Variants in NECTIN3 observed in about 807,000 individuals in gnomAD.
NECTIN3 encodes the protein nectin cell adhesion molecule 3, also known as nectin-3.
In NECTIN3, 8 loss-of-function variants were observed where a neutral mutation model predicts 49.4. The observed-to-expected ratio is 0.16, with a 90% CI of 0.10 to 0.29. NECTIN3 has a LOEUF of 0.29. Ranked by LOEUF, NECTIN3 falls within the 10% of genes least tolerant of loss-of-function variation. The pLI is 1.00. For missense variants in NECTIN3, 581 were observed against 654.6 expected (o/e 0.89, Z 1.23); for synonymous variants, 277 against 241.1 (o/e 1.15, Z -1.38).
chr3:111,093,261 A>G (rs182546708), intron 1 of NECTIN3, among the ~76,000 whole-genome samples: 25 of 152,290 alleles, frequency 1.6e-4, no homozygotes, highest in Non-Finnish European at 3.1e-4. Context: ...AAATACTTAA[A>G]GGAATTCCAT....
Position 111,136,712 on chromosome 3 carries a change from T to A in NECTIN3, c.*2497T>A, listed in dbSNP as rs950248349. 1.1e-6 allele frequency: 1 copy of A among 917,618 alleles called. No homozygotes were observed. Among genetic ancestry groups the A allele is most frequent in the Non-Finnish European group, 1.3e-6 (1 of 768,676 alleles). The allele number at this position is 917,618 out of a possible 1,614,324, so 56.8% of individuals were successfully genotyped here. On this transcript the variant is annotated 3_prime_UTR_variant, in exon 6 of 6. Transcript: ENST00000485303. ...ATATTTGTACTATTTTTGGCCATATTTATATTTATTTCTTTCATATGGTTT... is the reference window on the plus strand; with the variant it reads ...ATATTTGTACTATTTTTGGCCATATATATATTTATTTCTTTCATATGGTTT...
intron 5 of NECTIN3, among the ~76,000 whole-genome samples, chr3:111,127,046 T>C (rs2034190353): frequency 6.6e-6 from 1 of 152,194 alleles, no homozygotes; most frequent in Admixed American, 6.5e-5. Flanking sequence ...TTATAAAAAT[T>C]CAATAAAATA....
At chr3:111,174,561 TGTA>T (rs1224433049) in intron 7 of NECTIN3, among the ~76,000 whole-genome samples, 2 of 151,884 alleles carry the variant, frequency 1.3e-5, no homozygotes, top group African/African-American at 4.8e-5. Flanking sequence ...ATTGTGGACT[TGTA>T]GTGATTTAGC....
chr3:111,113,033 A>G (rs2033539382), intron 2 of NECTIN3, among the ~76,000 whole-genome samples: 4 of 152,228 alleles, frequency 2.6e-5, no homozygotes, highest in South Asian at 2.1e-4. Context: ...GGCTGCTCAC[A>G]TGAAGATCTA....
intron 1 of NECTIN3, chr3:111,072,456 A>G (rs2030844982): frequency 6.5e-7 from 1 of 1,534,758 alleles, no homozygotes. Flanking sequence ...CGTGCGCCGA[A>G]CTCCGGGTTT....
intron 1 of NECTIN3, among the ~76,000 whole-genome samples, chr3:111,106,037 C>G (rs2107436641): frequency 6.8e-6 from 1 of 147,556 alleles, no homozygotes; most frequent in African/African-American, 2.5e-5. Flanking sequence ...ATTGACCCCT[C>G]TGTAGGTACT....
chr3:111,184,711 G>A (rs1175040289), intron 7 of NECTIN3, among the ~76,000 whole-genome samples: 2 of 152,094 alleles, frequency 1.3e-5, no homozygotes, highest in African/African-American at 4.8e-5. Context: ...TTAATTGAAT[G>A]CTGGACACTG....
In NECTIN3 at chr3:111,133,871, G is replaced by A. The variant is rs149156497; in HGVS notation, c.1306G>A (p.Gly436Arg). The A allele has an allele frequency of 7.4e-4, 1,193 of 1,613,760 alleles. 1 individual carries two copies. The highest frequency in any genetic ancestry group is 8.8e-4 in the Non-Finnish European group (1,035 of 1,179,886). Residue 436 changes from glycine (G) to arginine (R), a missense_variant, in exon 6 of 6, where the codon GGA becomes AGA. By Grantham distance (125) the Gly-to-Arg change is moderately radical. Transcript: ENST00000485303. ...CTATAGGAGAAGACGGACGTTTCGT[G>A]GAGACTACTTTGCCAAGAACTACAT... is the stretch of plus-strand genomic sequence containing the variant. Reference protein sequence around the residue: ...FCYRRRRTFRGDYFAKNYIPP... With the variant: ...FCYRRRRTFRRDYFAKNYIPP...
At chr3:111,072,689 A>G (rs1235581999) in intron 1 of NECTIN3, 8 of 1,071,030 alleles carry the variant, frequency 7.5e-6, no homozygotes, top group Non-Finnish European at 9.4e-6. Context: ...AATCCCCTAC[A>G]GCTAGTTTTC....
At position 111,143,183 on chromosome 3, in the gene NECTIN3, A is replaced by T. The variant is rs1365930647; in HGVS notation, c.1001-1716A>T. 2.0e-5 allele frequency among the ~76,000 whole-genome samples: 3 copies of T among 151,902 alleles called. No individual in the cohort carries two copies. In the East Asian group the frequency reaches 5.8e-4, roughly 29 times the overall value. ...CTCTCACATTTACAAGTGCAGAATGATATTTGGCTGTACTGGGTTTCAATA... is the reference window on the plus strand; with the variant it reads ...CTCTCACATTTACAAGTGCAGAATGTTATTTGGCTGTACTGGGTTTCAATA... On this transcript the variant is annotated intron_variant, in intron 5 of 8. Coordinates refer to the NECTIN3 transcript ENST00000493615.
chr3:111,193,114 G>GT (rs2035841899), intron 1 of NECTIN3: 1 of 1,214,648 alleles, frequency 8.2e-7, no homozygotes, highest in African/African-American at 1.5e-5. Flanking sequence ...CTAAACTGTA[G>GT]TGAATTCTAT....
At chr3:111,098,161 A>G (rs533929900) in intron 1 of NECTIN3, among the ~76,000 whole-genome samples, 1 of 152,358 alleles carries the variant, frequency 6.6e-6, no homozygotes, top group East Asian at 1.9e-4. Context: ...CATCTAAACT[A>G]ACACTGATTC....
chr3:111,111,899 ATGTGTGTGTGTGTGTGTG>A (rs10581136), intron 1 of NECTIN3, 113 bp from the exon 2 acceptor site: 12 of 581,264 alleles, frequency 2.1e-5, no homozygotes, highest in Admixed American at 1.2e-4. Context: ...GTGTGTGTGC[ATGTGTGTGTGTGTGTGTG>A]TGTGTGTGTG....
chr3:111,147,537 C>T (rs1208074395), intron 7 of NECTIN3: 19 of 1,359,554 alleles, frequency 1.4e-5, no homozygotes, highest in Middle Eastern at 3.6e-4. Context: ...TTAAAAAATA[C>T]TAAGCCATTT....
intron 2 of NECTIN3, among the ~76,000 whole-genome samples, chr3:111,115,135 C>T (rs944859339): frequency 7.2e-5 from 11 of 152,182 alleles, no homozygotes; most frequent in African/African-American, 2.7e-4. Context: ...CAATAGCATT[C>T]CTCAGTTGTT....
chr3:111,086,190 A>C (rs1298334537), intron 1 of NECTIN3, among the ~76,000 whole-genome samples: 1 of 152,170 alleles, frequency 6.6e-6, no homozygotes, highest in Non-Finnish European at 1.5e-5. Flanking sequence ...TTTGCTAAAT[A>C]TGAACCCTTT....
intron 7 of NECTIN3, among the ~76,000 whole-genome samples, chr3:111,151,690 A>C (rs181641915): frequency 6.6e-6 from 1 of 151,926 alleles, no homozygotes; most frequent in African/African-American, 2.4e-5. Context: ...ACTGTTAACT[A>C]TCTGAGAAAA....
Position 111,136,896 on chromosome 3 carries a change from T to C in NECTIN3, c.*2681T>C, listed in dbSNP as rs552035187. The C allele has an allele frequency of 2.1e-6, 2 of 966,292 alleles. No individual in the cohort carries two copies. The highest frequency in any genetic ancestry group is 3.5e-5 in the African/African-American group (2 of 56,836). 59.9% of individuals were successfully genotyped at this position (966,292 alleles called of 1,614,324 possible). On this transcript the variant is annotated 3_prime_UTR_variant, in exon 6 of 6. Coordinates refer to ENST00000485303, the MANE Select transcript of NECTIN3 (RefSeq NM_015480.3). ...GTAGGCTCGGGGTTAACTTTAAAAG[T>C]GATATTTGAGAAGTGCTTTAGAGTT...
chr3:111,127,613 G>A (rs1400592433), intron 5 of NECTIN3, among the ~76,000 whole-genome samples: 1 of 151,804 alleles, frequency 6.6e-6, no homozygotes, highest in Admixed American at 6.6e-5. Flanking sequence ...CCAGGCTGGA[G>A]TGAGTGCAGT....
Sources: gnomAD v4.1 joint callset for allele counts (sites outside exome capture counted in the v4.1 genomes callset) on GRCh38, gnomAD v4.1.1 for gene constraint, MANE v1.5 for transcripts, NCBI Gene and HGNC (gene_info 2026-07-23, HGNC 2026-07-21) for gene names.